LANCL3: variants seen among roughly 807,000 people sequenced by gnomAD.
The protein encoded by LANCL3 is LanC like family member 3.
In LANCL3, 19 loss-of-function variants were observed where a neutral mutation model predicts 26.5. The ratio of observed to expected loss-of-function variants is 0.72; its 90% CI spans 0.50 to 1.05. The LOEUF is 1.05. Ranked by LOEUF, LANCL3 falls within the 50% of genes least tolerant of loss-of-function variation. LANCL3 has a pLI of 0.00. For missense variants in LANCL3, 318 were observed against 362.7 expected, an observed-to-expected ratio of 0.88 and a Z score of 1.00; for synonymous variants, 160 against 166.6, an observed-to-expected ratio of 0.96 and a Z score of 0.30.
intron 2 of LANCL3, 94 bp downstream of exon 2, chrX:37,655,905 C>A: frequency 2.7e-6 from 2 of 728,898 alleles, no homozygotes; most frequent in South Asian, 3.1e-5. Context: ...TGCCATAGGT[C>A]ATTACTAGTC....
In LANCL3 at chrX:37,667,421, C is replaced by T; in HGVS notation, c.1035C>T (p.Gly345=). The T allele has an allele frequency of 1.7e-6, 2 of 1,202,075 alleles. No homozygotes were observed. Among genetic ancestry groups the T allele is most frequent in the Non-Finnish European group, 2.2e-6 (2 of 891,252 alleles). The part of the protein sequence containing the change: ...KGPGICHGVA[G]SAYVFLLLYR... ...CTGGGATTTGCCATGGAGTAGCCGG[C>T]AGTGCCTATGTCTTCCTGCTGCTGT... The change falls in exon 4 of 5, where the codon GGC becomes GGT. Residue 345 remains glycine (G), a synonymous_variant. Transcript: ENST00000378619.
chrX:37,643,670 A>G (rs1453203622), intron 1 of LANCL3, among the ~76,000 whole-genome samples: 4 of 112,226 alleles, frequency 3.6e-5, no homozygotes, highest in African/African-American at 1.3e-4. Flanking sequence ...ATACATTGCT[A>G]GTTTATGAAT....
At chrX:37,647,320 AAAAAAAC>A (rs1235966334) in intron 1 of LANCL3, among the ~76,000 whole-genome samples, 5 of 110,934 alleles carry the variant, frequency 4.5e-5, no homozygotes, top group African/African-American at 1.7e-4. Context: ...TCAAAAAAAC[AAAAAAAC>A]AAAAAAACAA....
At position 37,572,169 on chromosome X, in the gene LANCL3, T is replaced by C. The variant is rs782074230; in HGVS notation, c.299T>C (p.Ile100Thr). 8.4e-7 allele frequency: 1 copy of C among 1,188,451 alleles called. No homozygotes were observed. Among genetic ancestry groups the C allele is most frequent in the South Asian group, 1.8e-5 (1 of 54,997 alleles). The change falls in exon 1 of 5, where the codon ATC becomes ACC. Residue 100 changes from isoleucine (I) to threonine (T), a missense_variant. Ile to Thr is a moderately conservative substitution (Grantham distance 89). Coordinates refer to ENST00000378619, the MANE Select transcript of LANCL3 (RefSeq NM_001170331.2). ...ERYLRSAKRL[I>T]DACARAEEWG... ...TACCTGCGCTCGGCTAAGCGCCTCA[T>C]CGACGCGTGCGCCCGCGCTGAGGAG...
intron 1 of LANCL3, among the ~76,000 whole-genome samples, chrX:37,579,080 A>T (rs781937693): frequency 9.2e-6 from 1 of 108,875 alleles, no homozygotes; most frequent in African/African-American, 3.3e-5. Flanking sequence ...TTATCCACTT[A>T]TACAAATTAT....
At chrX:37,670,390 G>A (rs782516783) in intron 4 of LANCL3, among the ~76,000 whole-genome samples, 3 of 111,034 alleles carry the variant, frequency 2.7e-5, no homozygotes, top group Non-Finnish European at 5.7e-5. Flanking sequence ...TAGATTTTCT[G>A]TTATGCTTAA....
At chrX:37,652,942 A>C (rs1926192053) in intron 1 of LANCL3, among the ~76,000 whole-genome samples, 1 of 111,922 alleles carries the variant, frequency 8.9e-6, no homozygotes, top group African/African-American at 3.3e-5. Flanking sequence ...AGTGTTCCCC[A>C]CACACAGGCT....
chrX:37,626,676 G>A (rs1042791029), intron 1 of LANCL3, among the ~76,000 whole-genome samples: 1 of 111,479 alleles, frequency 9.0e-6, no homozygotes, highest in African/African-American at 3.3e-5. Flanking sequence ...AAGACTTCAA[G>A]ATAGTTTCAC....
At position 37,632,860 on chromosome X, in the gene LANCL3, G is replaced by A. The variant is rs782405965; in HGVS notation, c.574-22828G>A. Among the ~76,000 whole-genome samples the A allele has an allele frequency of 3.6e-5, 4 of 111,645 alleles. No homozygotes were observed. In the South Asian group the frequency reaches 1.1e-3, roughly 32 times the overall value. Reference sequence around the variant, plus strand: ...ATGGGCTTCCCTTTGTGGGTAACCCGACCTTTCTCTCTGGCTGCCCTTAAC... The same window carrying A: ...ATGGGCTTCCCTTTGTGGGTAACCCAACCTTTCTCTCTGGCTGCCCTTAAC... On this transcript the variant is annotated intron_variant, in intron 1 of 4. Coordinates refer to ENST00000378619, the MANE Select transcript of LANCL3 (RefSeq NM_001170331.2).
At chrX:37,647,852 C>A (rs1926028135) in intron 1 of LANCL3, among the ~76,000 whole-genome samples, 2 of 113,013 alleles carry the variant, frequency 1.8e-5, no homozygotes, top group Admixed American at 1.9e-4. Flanking sequence ...TTTCCTTGGG[C>A]TCTACCCACT....
chrX:37,581,282 TTA>T (rs782717705), intron 1 of LANCL3, among the ~76,000 whole-genome samples: 1 of 112,382 alleles, frequency 8.9e-6, no homozygotes, highest in East Asian at 2.8e-4. Context: ...GGTTTGTGGG[TTA>T]TACTGAAGGA....
intron 1 of LANCL3, among the ~76,000 whole-genome samples, chrX:37,610,330 G>A (rs1556421004): frequency 8.9e-6 from 1 of 111,801 alleles, no homozygotes; most frequent in Non-Finnish European, 1.9e-5. Flanking sequence ...ACCTAGCCTT[G>A]GATATCATAA....
intron 1 of LANCL3, among the ~76,000 whole-genome samples, chrX:37,642,150 T>C (rs1256124116): frequency 8.9e-6 from 1 of 112,251 alleles, no homozygotes; most frequent in Non-Finnish European, 1.9e-5. Flanking sequence ...AACTGGAAAC[T>C]GCATTTAAAT....
At chrX:37,661,769 T>C (rs1332561629) in intron 3 of LANCL3, among the ~76,000 whole-genome samples, 3 of 112,437 alleles carry the variant, frequency 2.7e-5, no homozygotes, top group African/African-American at 9.7e-5. Flanking sequence ...GGCAGCAGAC[T>C]AATTCTGTGA....
chrX:37,663,986 G>C (rs1348065567), intron 3 of LANCL3, among the ~76,000 whole-genome samples: 2 of 111,922 alleles, frequency 1.8e-5, no homozygotes, highest in Non-Finnish European at 3.8e-5. Context: ...TTGAGGCAAG[G>C]AAGTCAATAT....
chrX:37,615,339 C>T (rs1183812056), intron 1 of LANCL3, among the ~76,000 whole-genome samples: 3 of 112,007 alleles, frequency 2.7e-5, no homozygotes, highest in Non-Finnish European at 5.6e-5. Flanking sequence ...AAGAACATAA[C>T]TTATGAGATA....
chrX:37,656,206 A>C (rs1464169900), intron 2 of LANCL3, among the ~76,000 whole-genome samples: 1 of 109,797 alleles, frequency 9.1e-6, no homozygotes, highest in Middle Eastern at 4.2e-3. Flanking sequence ...TTTATAACAG[A>C]CTATTGAATT....
At chrX:37,672,807 C>G (rs1374552380) in intron 4 of LANCL3, among the ~76,000 whole-genome samples, 1 of 111,978 alleles carries the variant, frequency 8.9e-6, no homozygotes, top group Non-Finnish European at 1.9e-5. Flanking sequence ...ATCACTCCCT[C>G]ACCCAGCCAT....
intron 1 of LANCL3, among the ~76,000 whole-genome samples, chrX:37,629,068 T>C (rs1165758748): frequency 2.8e-5 from 3 of 106,366 alleles, no homozygotes; most frequent in Non-Finnish European, 5.9e-5. Flanking sequence ...CCACCAACAG[T>C]GTAAAAGTGT....
Sources: gnomAD v4.1 joint callset for allele counts (sites outside exome capture counted in the v4.1 genomes callset) on GRCh38, gnomAD v4.1.1 for gene constraint, MANE v1.5 for transcripts, NCBI Gene and HGNC (gene_info 2026-07-23, HGNC 2026-07-21) for gene names.